The following TPRG1 variants were observed in gnomAD, a reference collection of about 807,000 sequenced individuals.
The protein encoded by TPRG1 is tumor protein p63 regulated 1, also known as tumor protein p63-regulated gene 1 protein.
Under a neutral mutation model 29.3 loss-of-function variants are expected in TPRG1, and 29 were observed. That is an observed-to-expected ratio of 0.99 (90% CI 0.74 to 1.35). The LOEUF (loss-of-function observed/expected upper bound fraction) is 1.35. TPRG1 is among the 40% of genes most tolerant of loss of function. The probability of loss-of-function intolerance (pLI) is 0.00; values close to 1 mark genes in which losing one functional copy is unlikely to be tolerated. For missense variants in TPRG1, 327 were observed against 335.0 expected, an observed-to-expected ratio of 0.98 and a Z score of 0.19; for synonymous variants, 130 against 116.8, an observed-to-expected ratio of 1.11 and a Z score of -0.73.
intron 3 of TPRG1, among the ~76,000 whole-genome samples, chr3:189,021,426 G>A (rs1473516545): frequency 6.6e-6 from 1 of 151,970 alleles, no homozygotes; most frequent in Admixed American, 6.6e-5. Flanking sequence ...GGGCAGGCCT[G>A]GTGGTGACAA....
upstream of TPRG1, among the ~76,000 whole-genome samples, chr3:189,099,540 G>A (rs1177731889): frequency 1.3e-5 from 2 of 152,082 alleles, no homozygotes; most frequent in South Asian, 2.1e-4. Flanking sequence ...GATTTGTGGC[G>A]TGGGAATTTG....
At chr3:189,087,533 A>G (rs1467196456) in intron 4 of TPRG1, among the ~76,000 whole-genome samples, 2 of 152,056 alleles carry the variant, frequency 1.3e-5, no homozygotes, top group African/African-American at 2.4e-5. Flanking sequence ...TGTCAATTTT[A>G]GCTTTTGTTG....
At chr3:189,116,495 C>T (rs535039423) in intron 1 of TPRG1, among the ~76,000 whole-genome samples, 13 of 152,210 alleles carry the variant, frequency 8.5e-5, no homozygotes, top group Non-Finnish European at 1.6e-4. Flanking sequence ...TATTTTTACA[C>T]CCATATTCAT....
intron 4 of TPRG1, among the ~76,000 whole-genome samples, chr3:189,056,286 G>T (rs1386475103): frequency 2.0e-5 from 3 of 152,042 alleles, no homozygotes; most frequent in Non-Finnish European, 4.4e-5. Flanking sequence ...AGTAGAGACG[G>T]GGTTTTGCCA....
chr3:189,117,783 C>A (rs902120773), intron 1 of TPRG1, among the ~76,000 whole-genome samples: 1 of 152,190 alleles, frequency 6.6e-6, no homozygotes, highest in African/African-American at 2.4e-5. Context: ...TGCCTTCTGC[C>A]ATGTTTGTAA....
At chr3:189,180,759 G>A (rs1201049144) in intron 1 of TPRG1, among the ~76,000 whole-genome samples, 2 of 152,160 alleles carry the variant, frequency 1.3e-5, no homozygotes, top group Non-Finnish European at 2.9e-5. Context: ...CTATTCTGGG[G>A]TCTGGGGGAG....
Position 189,130,876 on chromosome 3 carries a change from G to A in TPRG1, c.-589-1523G>A, listed in dbSNP as rs377461809. On this transcript the variant is annotated intron_variant, in intron 2 of 6. Transcript: ENST00000412373. ...GTTTGAGATGCAGGGAATGACCTGC[G>A]TTTTAGAGAAGAGGAAAGTGAGGTT... Among the ~76,000 whole-genome samples the A allele has an allele frequency of 5.7e-4, 87 of 152,284 alleles. 1 individual carries two copies. Among genetic ancestry groups the A allele is most frequent in the East Asian group, 2.5e-3 (13 of 5,184 alleles).
At chr3:189,099,020 C>T (rs371647453), upstream of TPRG1, among the ~76,000 whole-genome samples, 4 of 152,104 alleles carry the variant, frequency 2.6e-5, no homozygotes, top group Admixed American at 6.5e-5. Flanking sequence ...GTGCTACAGC[C>T]GCAGCTCCTC....
chr3:189,184,129 T>G (rs1730604786), intron 1 of TPRG1, among the ~76,000 whole-genome samples: 1 of 152,308 alleles, frequency 6.6e-6, no homozygotes, highest in South Asian at 2.1e-4. Flanking sequence ...GGTCCCTGAC[T>G]TCCCACAACA....
intron 4 of TPRG1, chr3:189,240,690 G>C (rs1037582169): frequency 6.6e-6 from 1 of 152,188 alleles, no homozygotes; most frequent in Non-Finnish European, 1.5e-5. Context: ...CTCCCACCGG[G>C]TTCCTCCCAC....
Position 189,207,376 on chromosome 3 carries a change from G to T in TPRG1, c.-9G>T, listed in dbSNP as rs373005998. The T allele has an allele frequency of 6.2e-7, 1 of 1,613,774 alleles. No individual in the cohort carries two copies. Among genetic ancestry groups the T allele is most frequent in the Non-Finnish European group, 8.5e-7 (1 of 1,179,892 alleles). ...TGAGATTTTTCTGCCCTTGGTTTAGGCTGAAGAAATGTCAACAATTGGGAG... is the reference window on the plus strand; with the variant it reads ...TGAGATTTTTCTGCCCTTGGTTTAGTCTGAAGAAATGTCAACAATTGGGAG... On this transcript the variant is annotated splice_region_variant and 5_prime_UTR_variant, in exon 2 of 6. Coordinates refer to ENST00000345063, the MANE Select transcript of TPRG1 (RefSeq NM_198485.4).
At chr3:189,178,296 A>G (rs549452265) in intron 1 of TPRG1, among the ~76,000 whole-genome samples, 1 of 152,344 alleles carries the variant, frequency 6.6e-6, no homozygotes, top group African/African-American at 2.4e-5. Context: ...TGGGAGGCCA[A>G]GGTGGGCAGA....
chr3:189,056,478 A>G (rs16863929), intron 4 of TPRG1, among the ~76,000 whole-genome samples: 2,897 of 152,260 alleles, frequency 0.019, 92 homozygotes, highest in African/African-American at 0.065. Context: ...GACCCAATAA[A>G]TAGGCCTCAA....
chr3:189,074,566 G>A (rs1185939271), intron 4 of TPRG1, among the ~76,000 whole-genome samples: 1 of 152,044 alleles, frequency 6.6e-6, no homozygotes, highest in Non-Finnish European at 1.5e-5. Context: ...ATGTAGGTTA[G>A]AGCATCTTAG....
chr3:189,000,032 C>G (rs764821560), intron 1 of TPRG1, among the ~76,000 whole-genome samples: 1 of 151,878 alleles, frequency 6.6e-6, no homozygotes, highest in Non-Finnish European at 1.5e-5. Context: ...AATTTGGATA[C>G]TATAATAAAA....
At chr3:189,091,396 A>G (rs2152180059) in intron 4 of TPRG1, among the ~76,000 whole-genome samples, 1 of 152,266 alleles carries the variant, frequency 6.6e-6, no homozygotes, top group Middle Eastern at 3.4e-3. Context: ...CAACCACTTA[A>G]TTACCACCAC....
intron 4 of TPRG1, among the ~76,000 whole-genome samples, chr3:189,246,369 C>A (rs1196950634): frequency 6.6e-6 from 1 of 152,098 alleles, no homozygotes; most frequent in Non-Finnish European, 1.5e-5. Context: ...GGGAGTAATA[C>A]ACATAGCATG....
chr3:189,204,279 T>C (rs1733970562), intron 1 of TPRG1, among the ~76,000 whole-genome samples: 1 of 152,182 alleles, frequency 6.6e-6, no homozygotes, highest in African/African-American at 2.4e-5. Flanking sequence ...CTGGTATTAA[T>C]GTACCTTTAG....
chr3:189,039,399 T>C (rs1425486591), intron 4 of TPRG1, among the ~76,000 whole-genome samples: 2 of 152,164 alleles, frequency 1.3e-5, no homozygotes, highest in Non-Finnish European at 2.9e-5. Flanking sequence ...CTCTGGGAAG[T>C]TAAATACATG....
Sources: allele counts gnomAD v4.1 joint callset (sites outside exome capture counted in the v4.1 genomes callset), GRCh38; gene constraint gnomAD v4.1.1; transcripts MANE v1.5; gene names NCBI Gene and HGNC (gene_info 2026-07-23, HGNC 2026-07-21).